The following RUBCN variants were observed in gnomAD, a reference collection of about 807,000 sequenced individuals.
RUBCN encodes run domain Beclin-1-interacting and cysteine-rich domain-containing protein.
In RUBCN, 74 loss-of-function variants were observed where a neutral mutation model predicts 113.2. The observed-to-expected ratio is 0.65, with a 90% CI of 0.54 to 0.79. The LOEUF (loss-of-function observed/expected upper bound fraction) is 0.79. Among genes scored for constraint, RUBCN ranks in the 30% least tolerant of loss-of-function variants. The pLI, the probability that RUBCN is intolerant of heterozygous loss-of-function variation, is 0.00. For synonymous variants in RUBCN, 480 were observed against 490.0 expected (o/e 0.98, Z 0.27); for missense variants, 1,109 against 1,251.7 (o/e 0.89, Z 1.72).
chr3:197,717,247 T>C (rs1365047432), intron 2 of RUBCN, among the ~76,000 whole-genome samples: 3 of 151,514 alleles, frequency 2.0e-5, no homozygotes, highest in Admixed American at 6.6e-5. Flanking sequence ...ACTGAGACCA[T>C]CCTGGCTAAC....
intron 1 of RUBCN, chr3:197,748,151 G>C (rs544150652): frequency 6.6e-6 from 1 of 151,582 alleles, no homozygotes; most frequent in East Asian, 1.9e-4. Context: ...TCACCATGTT[G>C]GTCAGGCTGG....
intron 1 of RUBCN, among the ~76,000 whole-genome samples, chr3:197,748,826 G>T (rs1317947784): frequency 1.3e-5 from 2 of 152,218 alleles, no homozygotes; most frequent in Non-Finnish European, 1.5e-5. Flanking sequence ...TGTGTCATTG[G>T]TGTTGAAGTT....
intron 2 of RUBCN, among the ~76,000 whole-genome samples, chr3:197,717,658 G>C (rs576607726): frequency 3.4e-4 from 52 of 152,278 alleles, no homozygotes; most frequent in Non-Finnish European, 6.6e-4. Context: ...TCGATCTCAA[G>C]AACTGTAAGA....
chr3:197,737,088 A>T (rs1263478183), upstream of RUBCN: 1 of 376,692 alleles, frequency 2.7e-6, no homozygotes, highest in Non-Finnish European at 4.1e-6. Context: ...CTCCAATCCC[A>T]GGCCGCGCTC....
At chr3:197,744,020 ATAAT>A (rs1425413495) in intron 1 of RUBCN, among the ~76,000 whole-genome samples, 9 of 151,508 alleles carry the variant, frequency 5.9e-5, no homozygotes, top group Non-Finnish European at 1.3e-4. Context: ...ATATTAGCTA[ATAAT>A]TAGTTATTAT....
chr3:197,745,413 C>G (rs1437129116), intron 1 of RUBCN, among the ~76,000 whole-genome samples: 1 of 151,294 alleles, frequency 6.6e-6, no homozygotes, highest in South Asian at 2.1e-4. Flanking sequence ...GTCGGGAGTT[C>G]GAGACCAGCC....
rs1721534171 is a variant in RUBCN, at chr3:197,683,832, T to C, written c.1847+325A>G. On this transcript the variant is annotated intron_variant, in intron 12 of 19. Transcript: ENST00000296343. This position sits in a 1 kb window ranked among gnomAD's most constrained non-coding sequence, Gnocchi z 4.6. ...GTGTCCCCTGGTTGGGTCTATGATGTGGAATCTGTTCAATTTGATTTCATA... is the reference window on the plus strand; with the variant it reads ...GTGTCCCCTGGTTGGGTCTATGATGCGGAATCTGTTCAATTTGATTTCATA... Among the ~76,000 whole-genome samples the C allele has an allele frequency of 6.6e-6, 1 of 152,226 alleles. No individual in the cohort carries two copies. Among genetic ancestry groups the C allele is most frequent in the South Asian group, 2.1e-4 (1 of 4,828 alleles).
intron 2 of RUBCN, among the ~76,000 whole-genome samples, chr3:197,709,356 C>T (rs1239755278): frequency 2.0e-5 from 3 of 152,060 alleles, no homozygotes; most frequent in Non-Finnish European, 4.4e-5. Context: ...GAGGAACTAC[C>T]CGCTACCATA....
In RUBCN at chr3:197,677,006, T is replaced by C. The variant is rs1368346941; in HGVS notation, c.2525A>G (p.His842Arg). The C allele has an allele frequency of 6.2e-7, 1 of 1,613,896 alleles. No homozygotes were observed. The highest frequency in any genetic ancestry group is 8.5e-7 in the Non-Finnish European group (1 of 1,180,028). Residue 842 changes from histidine (H) to arginine (R), a missense_variant, in exon 18 of 20, where the codon CAC (histidine) becomes CGC (arginine). Coordinates refer to ENST00000296343, the MANE Select transcript of RUBCN (RefSeq NM_014687.4). ...LLDSFDTVPG[H>R]LTEDLHLYSL... is the part of the protein sequence containing the mutation. ...GTACAGGTGGAGGTCCTCTGTCAGGTGGCCTGGGACTGTGTCAAAGGAATC... is the reference window on the plus strand; with the variant it reads ...GTACAGGTGGAGGTCCTCTGTCAGGCGGCCTGGGACTGTGTCAAAGGAATC...
intron 13 of RUBCN, 68 bp from the exon 14 acceptor site, chr3:197,682,683 C>A (rs1041215367): frequency 1.2e-6 from 2 of 1,603,256 alleles, no homozygotes; most frequent in Non-Finnish European, 1.7e-6. Context: ...GTGAGATGGG[C>A]AGTGAGTCAG....
intron 2 of RUBCN, among the ~76,000 whole-genome samples, chr3:197,706,500 A>G (rs766110481): frequency 7.2e-5 from 11 of 151,938 alleles, no homozygotes; most frequent in Middle Eastern, 3.2e-3. Context: ...TGGGCAACAT[A>G]GCGAGACCCC....
intron 2 of RUBCN, among the ~76,000 whole-genome samples, chr3:197,708,624 A>G (rs948869187): frequency 2.0e-5 from 3 of 151,988 alleles, no homozygotes; most frequent in Non-Finnish European, 4.4e-5. Flanking sequence ...AATTCTCCCA[A>G]CGTTGCCAAA....
intron 8 of RUBCN, 58 bp from the exon 9 acceptor site, chr3:197,696,039 T>C: frequency 1.3e-6 from 2 of 1,539,476 alleles, no homozygotes; most frequent in East Asian, 2.2e-5. Context: ...TCTTAAGCTT[T>C]TGTCATTAAA....
chr3:197,740,630 T>G (rs903961289), upstream of RUBCN, among the ~76,000 whole-genome samples: 2 of 150,842 alleles, frequency 1.3e-5, no homozygotes, highest in African/African-American at 4.9e-5. Flanking sequence ...TTCTCTTTCT[T>G]TTTTTTTTGA....
At chr3:197,682,335 C>A in intron 14 of RUBCN, 135 bp downstream of exon 14, 1 of 1,045,566 alleles carries the variant, frequency 9.6e-7, no homozygotes, top group South Asian at 1.4e-5. Flanking sequence ...GGACGACGCC[C>A]CCCCTCTGCC....
Position 197,676,810 on chromosome 3 carries a change from A to G in RUBCN, c.2646+75T>C, listed in dbSNP as rs760354634. 5.0e-6 allele frequency: 8 copies of G among 1,609,880 alleles called. No individual in the cohort carries two copies. The South Asian group carries it at 8.8e-5, about 18-fold the overall frequency. ...CAACTTCCTCAAGCTAAGTGGCAAG[A>G]ACCCCAGGTCCACCCCCCTCCCTGT... On this transcript the variant is annotated intron_variant, in intron 18 of 19. Coordinates refer to ENST00000296343, the MANE Select transcript of RUBCN (RefSeq NM_014687.4).
chr3:197,712,750 GATAAA>G (rs540415470), intron 2 of RUBCN, among the ~76,000 whole-genome samples: 146 of 151,920 alleles, frequency 9.6e-4, no homozygotes, highest in Non-Finnish European at 1.7e-3. Context: ...AGAGAGAAAA[GATAAA>G]ATAAAAACAA....
chr3:197,691,272 G>C (rs1323563334), intron 11 of RUBCN: 1 of 481,604 alleles, frequency 2.1e-6, no homozygotes, highest in Non-Finnish European at 3.8e-6. Flanking sequence ...ATGGCGTTTA[G>C]GAACTTGCAT....
rs1330384469 is a variant in RUBCN at position 197,671,905 on chromosome 3, T to C, written c.*3113A>G. On this transcript the variant is annotated 3_prime_UTR_variant, in exon 20 of 20. Coordinates refer to ENST00000296343, the MANE Select transcript of RUBCN (RefSeq NM_014687.4). ...GTGTGGTCCAGTTTGCTTTACATTA[T>C]AACACAGAAACCTTCTCAATGTTCA... is the stretch of plus-strand genomic sequence containing the variant. 6.6e-6 allele frequency: 1 copy of C among 152,262 alleles called. No individual in the cohort carries two copies. Among genetic ancestry groups the C allele is most frequent in the Non-Finnish European group, 1.5e-5 (1 of 68,054 alleles). 9.4% of individuals were successfully genotyped at this position (152,262 alleles called of 1,614,324 possible).
Sources: allele counts gnomAD v4.1 joint callset (sites outside exome capture counted in the v4.1 genomes callset), GRCh38; gene constraint gnomAD v4.1.1; non-coding constraint Gnocchi (gnomAD v3.1); transcripts MANE v1.5; gene names NCBI Gene and HGNC (gene_info 2026-07-23, HGNC 2026-07-21).